SULF1: variants seen among roughly 807,000 people sequenced by gnomAD.
The protein encoded by SULF1 is sulfatase 1, also known as extracellular sulfatase Sulf-1.
SULF1 carries 46 observed loss-of-function variants against 110.5 expected under a neutral mutation model. The observed-to-expected ratio is 0.42, with a 90% CI of 0.33 to 0.53. The LOEUF (loss-of-function observed/expected upper bound fraction) is 0.53, where lower values mean the gene tolerates loss of function less well. SULF1 is among the 20% of genes least tolerant of loss of function. The pLI is 0.12. For synonymous variants in SULF1, 371 were observed against 387.1 expected (o/e 0.96, Z 0.49); for missense variants, 941 against 1,094.2 (o/e 0.86, Z 1.98).
intron 21 of SULF1, among the ~76,000 whole-genome samples, chr8:69,640,003 C>T (rs1311817443): frequency 3.9e-5 from 6 of 151,968 alleles, no homozygotes; most frequent in Non-Finnish European, 8.8e-5. Flanking sequence ...TGGTCACTGA[C>T]CCCACTCGGC....
At chr8:69,561,886 C>T (rs140897220) in intron 3 of SULF1, among the ~76,000 whole-genome samples, 44 of 152,322 alleles carry the variant, frequency 2.9e-4, no homozygotes, top group African/African-American at 8.4e-4. Context: ...AGGTTTCTCA[C>T]GATTTAAAAC....
intron 22 of SULF1, among the ~76,000 whole-genome samples, chr8:69,651,026 T>C (rs996684546): frequency 1.3e-5 from 2 of 151,824 alleles, no homozygotes; most frequent in African/African-American, 4.8e-5. Flanking sequence ...CACACTGGCA[T>C]CTATCAACAT....
intron 3 of SULF1, among the ~76,000 whole-genome samples, chr8:69,511,525 A>G (rs1811556647): frequency 6.6e-6 from 1 of 152,210 alleles, no homozygotes; most frequent in Admixed American, 6.5e-5. Flanking sequence ...AGTAAAATAG[A>G]TCTGCCTCAT....
chr8:69,629,226 G>A lies in SULF1; in HGVS notation c.2109-278G>A, dbSNP rs568044279. On this transcript the variant is annotated intron_variant, in intron 18 of 22. Coordinates refer to ENST00000402687, the MANE Select transcript of SULF1 (RefSeq NM_001128205.2). The stretch of plus-strand genomic sequence containing the variant: ...TTTTTATATTTTTAGCAGAGACAGG[G>A]TTTCACCGTGTTGGCCAAACTGATC... Among the ~76,000 whole-genome samples, 3 of 152,190 alleles carry A rather than the reference G, an allele frequency of 2.0e-5. No homozygotes were observed. The South Asian group carries it at 6.2e-4, about 32-fold the overall frequency.
rs138876060 is a variant in SULF1, at chr8:69,624,092, A to G, written c.1745A>G (p.Lys582Arg). 109 of 1,614,136 alleles carry G rather than the reference A, an allele frequency of 6.8e-5. No individual in the cohort carries two copies. Among genetic ancestry groups the G allele is most frequent in the Non-Finnish European group, 8.8e-5 (104 of 1,180,018 alleles). ...GCTAAGCGTCATGATGAAGGCCACAAGGGGCCAAGAGATCTCCAGGCTTCC... is the reference window on the plus strand; with the variant it reads ...GCTAAGCGTCATGATGAAGGCCACAGGGGGCCAAGAGATCTCCAGGCTTCC... ...NIAKRHDEGH[K>R]GPRDLQASSG... Residue 582 changes from lysine to arginine, a missense_variant, in exon 15 of 23, where the codon AAG becomes AGG. By Grantham distance (26) the Lys-to-Arg change is conservative. Coordinates refer to ENST00000402687, the MANE Select transcript of SULF1 (RefSeq NM_001128205.2).
chr8:69,623,879 C>CA, intron 14 of SULF1, 63 bp from the exon 15 acceptor site: 1 of 1,549,240 alleles, frequency 6.5e-7, no homozygotes, highest in East Asian at 2.3e-5. Context: ...ACCAGGTGAT[C>CA]ACTTTCTTCC....
Position 69,659,159 on chromosome 8 carries a change from C to T in SULF1, c.*624C>T, listed in dbSNP as rs1812947638. The T allele has an allele frequency of 2.2e-6, 1 of 456,638 alleles. No individual in the cohort carries two copies. The highest frequency in any genetic ancestry group is 2.4e-5 in the Admixed American group (1 of 42,552). 28.3% of individuals were successfully genotyped at this position (456,638 alleles called of 1,614,324 possible). A position where few individuals can be genotyped will look rare whatever the true frequency, so the allele number is the denominator to read the frequency against. On this transcript the variant is annotated 3_prime_UTR_variant, in exon 23 of 23. Coordinates refer to ENST00000402687, the MANE Select transcript of SULF1 (RefSeq NM_001128205.2). ...GATCAACTATATCTTCCTGTGCATT[C>T]CGATGGAATTTCAGTTCATCAGATG... is the stretch of plus-strand genomic sequence containing the variant.
chr8:69,535,226 A>G lies in SULF1; in HGVS notation c.-133-28313A>G, dbSNP rs1813354229. ...GGCATGTTTAGGCCCTTGTGTTTAC[A>G]ATGTGGCTGCTCCAGCTCCAGCTTC... On this transcript the variant is annotated intron_variant, in intron 3 of 22. Coordinates refer to ENST00000402687, the MANE Select transcript of SULF1 (RefSeq NM_001128205.2). 2.6e-5 allele frequency among the ~76,000 whole-genome samples: 4 copies of G among 152,316 alleles called. No homozygotes were observed. The South Asian group carries it at 8.3e-4, about 32-fold the overall frequency.
chr8:69,546,929 G>A (rs1442424482), intron 3 of SULF1, among the ~76,000 whole-genome samples: 1 of 152,176 alleles, frequency 6.6e-6, no homozygotes, highest in African/African-American at 2.4e-5. Flanking sequence ...CTAGTTGTGT[G>A]AGTTTTGTGA....
At chr8:69,591,191 T>C (rs77442467) in intron 8 of SULF1, among the ~76,000 whole-genome samples, 1,611 of 152,200 alleles carry the variant, frequency 0.011, 32 homozygotes, top group African/African-American at 0.037. Flanking sequence ...CTCAGTTGCA[T>C]GGAATCAGTA....
intron 2 of SULF1, among the ~76,000 whole-genome samples, chr8:69,499,929 T>C (rs1221923552): frequency 6.6e-6 from 1 of 152,058 alleles, no homozygotes; most frequent in Admixed American, 6.6e-5. Context: ...TTTAAATTTT[T>C]TGGTTGAGAT....
At chr8:69,471,507 T>C (rs1809081580) in intron 1 of SULF1, among the ~76,000 whole-genome samples, 1 of 152,204 alleles carries the variant, frequency 6.6e-6, no homozygotes, top group Non-Finnish European at 1.5e-5. Context: ...TTGAGTATTA[T>C]ATGAAAAATC....
At chr8:69,570,896 T>C (rs1275237454) in intron 5 of SULF1, among the ~76,000 whole-genome samples, 1 of 152,204 alleles carries the variant, frequency 6.6e-6, no homozygotes, top group East Asian at 1.9e-4. Context: ...GGCAGTCCTG[T>C]GGCCTGGACC....
At chr8:69,601,541 C>T in intron 9 of SULF1, 113 bp from the exon 10 acceptor site, 1 of 915,820 alleles carries the variant, frequency 1.1e-6, no homozygotes, top group Non-Finnish European at 1.6e-6. Flanking sequence ...TAAAGCAACT[C>T]TTGCCTTTTA....
chr8:69,474,896 A>T (rs1049979774), intron 1 of SULF1, among the ~76,000 whole-genome samples: 3 of 152,232 alleles, frequency 2.0e-5, no homozygotes, highest in Non-Finnish European at 4.4e-5. Flanking sequence ...GAAACTGCAC[A>T]AACACAAAAC....
At position 69,618,320 on chromosome 8, in the gene SULF1, G is replaced by C. The variant is rs140050781; in HGVS notation, c.1378-2715G>C. On this transcript the variant is annotated intron_variant, in intron 13 of 22. Coordinates refer to ENST00000402687, the MANE Select transcript of SULF1 (RefSeq NM_001128205.2). Reference sequence around the variant, plus strand: ...ACTGCAGATTGAAAGAATTGAAAAAGAAAAGATGATTTCGTCTGTATTGAA... The same window carrying C: ...ACTGCAGATTGAAAGAATTGAAAAACAAAAGATGATTTCGTCTGTATTGAA... Among the ~76,000 whole-genome samples, 48 of 152,248 alleles carry C rather than the reference G, an allele frequency of 3.2e-4. 1 individual carries two copies. The East Asian group carries it at 8.7e-3, about 28-fold the overall frequency.
chr8:69,489,728 C>T (rs903002436), upstream of SULF1, among the ~76,000 whole-genome samples: 1 of 151,840 alleles, frequency 6.6e-6, no homozygotes, highest in Non-Finnish European at 1.5e-5. Flanking sequence ...AGGTGCCTGC[C>T]ACCATGCCCA....
chr8:69,474,804 G>T (rs1586189267), intron 1 of SULF1, among the ~76,000 whole-genome samples: 1 of 152,086 alleles, frequency 6.6e-6, no homozygotes, highest in East Asian at 1.9e-4. Flanking sequence ...CTGTAAAATG[G>T]AGTTAAGTTT....
At chr8:69,550,542 TGAA>T (rs932641651) in intron 3 of SULF1, among the ~76,000 whole-genome samples, 2 of 151,670 alleles carry the variant, frequency 1.3e-5, no homozygotes, top group African/African-American at 4.8e-5. Flanking sequence ...ATCTGAGGAA[TGAA>T]GGAGGAGCTG....
Sources: gnomAD v4.1 joint callset for allele counts (sites outside exome capture counted in the v4.1 genomes callset) on GRCh38, gnomAD v4.1.1 for gene constraint, MANE v1.5 for transcripts, NCBI Gene and HGNC (gene_info 2026-07-23, HGNC 2026-07-21) for gene names.